Variants in DPEP1 observed in about 807,000 individuals in gnomAD.
DPEP1 encodes beta-lactamase.
A neutral mutation model predicts 42.3 loss-of-function variants in DPEP1; 50 were observed. That is an observed-to-expected ratio of 1.18 (90% CI 0.94 to 1.50). The LOEUF (loss-of-function observed/expected upper bound fraction) is 1.50. Ranked by LOEUF, DPEP1 falls within the 40% of genes most tolerant of loss-of-function variation. The pLI, the probability that DPEP1 is intolerant of heterozygous loss-of-function variation, is 0.00. For synonymous variants in DPEP1, 297 were observed against 234.0 expected, an observed-to-expected ratio of 1.27 and a Z score of -2.46; for missense variants, 663 against 553.0, an observed-to-expected ratio of 1.20 and a Z score of -1.99.
intron 6 of DPEP1, 119 bp downstream of exon 6, chr16:89,637,054 G>T: frequency 6.5e-7 from 1 of 1,526,818 alleles, no homozygotes. Context: ...AAATGGAGCT[G>T]GCAGCCATCC....
intron 1 of DPEP1, among the ~76,000 whole-genome samples, chr16:89,624,603 C>T (rs533442125): frequency 1.3e-3 from 200 of 151,922 alleles, no homozygotes; most frequent in African/African-American, 4.4e-3. Context: ...GGCGCCATCT[C>T]GGCTCACTGC....
At chr16:89,619,992 T>TC (rs1029382369) in intron 1 of DPEP1, among the ~76,000 whole-genome samples, 1 of 142,036 alleles carries the variant, frequency 7.0e-6, no homozygotes, top group African/African-American at 2.7e-5. Flanking sequence ...AGGCCTGGCC[T>TC]CCCCCCGCCT....
At chr16:89,614,938 A>G (rs1432002480) in intron 1 of DPEP1, among the ~76,000 whole-genome samples, 3 of 152,196 alleles carry the variant, frequency 2.0e-5, no homozygotes, top group South Asian at 2.1e-4. Context: ...GGCAGAACCT[A>G]CTTCGGCCAA....
chr16:89,636,528 C>G lies in DPEP1; in HGVS notation c.371-5C>G, dbSNP rs773155514. 2 of 1,611,714 alleles carry G rather than the reference C, an allele frequency of 1.2e-6. No individual in the cohort carries two copies. The highest frequency in any genetic ancestry group is 1.7e-6 in the Non-Finnish European group (2 of 1,179,480). On this transcript the variant is annotated splice_polypyrimidine_tract_variant and splice_region_variant and intron_variant, in intron 4 of 10. Transcript: ENST00000690203. ...CACTCCCCTGCACCCTGACTCTCCC[C>G]GCAGGCATTCGGCAGGCCTTCCGGG... is the stretch of plus-strand genomic sequence containing the variant.
At chr16:89,627,112 A>G (rs1232206030) in intron 1 of DPEP1, among the ~76,000 whole-genome samples, 3 of 149,948 alleles carry the variant, frequency 2.0e-5, no homozygotes, top group Non-Finnish European at 4.4e-5. Flanking sequence ...AAAAAGAAAA[A>G]AAAGAAAAAA....
chr16:89,636,282 C>A lies in DPEP1; in HGVS notation c.256C>A (p.Pro86Thr). 6.2e-7 allele frequency: 1 copy of A among 1,610,482 alleles called. No homozygotes were observed. Among genetic ancestry groups the A allele is most frequent in the Non-Finnish European group, 8.5e-7 (1 of 1,179,192 alleles). Residue 86 changes from proline to threonine, a missense_variant, in exon 4 of 11, where the codon CCC (proline) becomes ACC (threonine). Transcript: ENST00000690203. ...VGGQFWSVYT[P>T]CDTQNKDAVR... Reference sequence around the variant, plus strand: ...CCCACAGTTCTGGTCCGTGTACACGCCCTGCGACACCCAGAACAAAGACGC... The same window carrying A: ...CCCACAGTTCTGGTCCGTGTACACGACCTGCGACACCCAGAACAAAGACGC...
At chr16:89,641,359 G>A (rs1363664730), downstream of DPEP1, among the ~76,000 whole-genome samples, 3 of 152,174 alleles carry the variant, frequency 2.0e-5, no homozygotes, top group South Asian at 2.1e-4. Context: ...TGACGTGACC[G>A]CTAGACCAAG....
intron 1 of DPEP1, among the ~76,000 whole-genome samples, chr16:89,614,383 A>C (rs573876994): frequency 2.1e-4 from 32 of 152,124 alleles, no homozygotes; most frequent in Admixed American, 8.5e-4. Flanking sequence ...GAGTCCCCGG[A>C]CTTACTCTCT....
chr16:89,617,938 C>A (rs1024255278), intron 1 of DPEP1, among the ~76,000 whole-genome samples: 1 of 152,100 alleles, frequency 6.6e-6, no homozygotes, highest in Non-Finnish European at 1.5e-5. Context: ...GCACAAGAAT[C>A]ACTTGAACCT....
At chr16:89,615,792 G>A (rs1179110764) in intron 1 of DPEP1, among the ~76,000 whole-genome samples, 1 of 152,212 alleles carries the variant, frequency 6.6e-6, no homozygotes, top group Non-Finnish European at 1.5e-5. Flanking sequence ...CGGTCAACAC[G>A]GGGGCCCCGG....
chr16:89,626,054 T>C (rs1482279155), intron 1 of DPEP1, among the ~76,000 whole-genome samples: 2 of 152,138 alleles, frequency 1.3e-5, no homozygotes, highest in African/African-American at 2.4e-5. Flanking sequence ...GGAAGACATG[T>C]GCCTCCCTCT....
chr16:89,627,401 G>C (rs1372680120), intron 1 of DPEP1, among the ~76,000 whole-genome samples: 1 of 151,852 alleles, frequency 6.6e-6, no homozygotes, highest in East Asian at 2.0e-4. Context: ...TGACCAACAT[G>C]ATGAAACCCT....
In DPEP1 at chr16:89,636,795, C is replaced by G. The variant is rs1368369165; in HGVS notation, c.522-71C>G. The stretch of plus-strand genomic sequence containing the variant: ...TCTGCCTGTGAGTCCCAGGCCGGGC[C>G]TCGCCTGCTGGGCTGATGGGAGGCC... On this transcript the variant is annotated intron_variant, in intron 5 of 10. Coordinates refer to ENST00000690203, the MANE Select transcript of DPEP1 (RefSeq NM_001389466.1). The G allele has an allele frequency of 3.7e-6, 6 of 1,604,140 alleles. No individual in the cohort carries two copies. In the African/African-American group the frequency reaches 5.3e-5, roughly 14 times the overall value.
chr16:89,624,537 G>T (rs1003319349), intron 1 of DPEP1, among the ~76,000 whole-genome samples: 1 of 148,876 alleles, frequency 6.7e-6, no homozygotes, highest in East Asian at 2.0e-4. Flanking sequence ...TCTGGGGTTT[G>T]TTTTTTTTTT....
chr16:89,618,913 C>G (rs1440973708), intron 1 of DPEP1, among the ~76,000 whole-genome samples: 1 of 149,704 alleles, frequency 6.7e-6, no homozygotes, highest in Admixed American at 6.6e-5. Flanking sequence ...GAGGGTTGCC[C>G]TCCCTGCTCC....
chr16:89,625,310 T>C (rs577083727), intron 1 of DPEP1, among the ~76,000 whole-genome samples: 21 of 152,244 alleles, frequency 1.4e-4, no homozygotes, highest in African/African-American at 4.8e-4. Context: ...GGGCATCACG[T>C]GCAGAGAGGG....
chr16:89,629,158 A>AT (rs536909462), intron 1 of DPEP1, among the ~76,000 whole-genome samples: 19 of 151,938 alleles, frequency 1.3e-4, no homozygotes, highest in Admixed American at 8.5e-4. Context: ...TTCATTATGG[A>AT]TTTTTTTTAC....
upstream of DPEP1, chr16:89,613,478 C>T (rs1597734789): frequency 6.6e-6 from 1 of 152,486 alleles, no homozygotes; most frequent in African/African-American, 2.4e-5. Flanking sequence ...CCTCCTGCAG[C>T]CCTTCCTTCC....
intron 1 of DPEP1, among the ~76,000 whole-genome samples, chr16:89,626,691 C>T (rs4248913): frequency 6.6e-6 from 1 of 151,766 alleles, no homozygotes; most frequent in Non-Finnish European, 1.5e-5. Flanking sequence ...CAGTCCCCCC[C>T]TCAAACTCTC....
Sources: allele counts gnomAD v4.1 joint callset (sites outside exome capture counted in the v4.1 genomes callset), GRCh38; gene constraint gnomAD v4.1.1; transcripts MANE v1.5; gene names NCBI Gene and HGNC (gene_info 2026-07-23, HGNC 2026-07-21).